CRPPA: variants seen among roughly 807,000 people sequenced by gnomAD.
The protein encoded by CRPPA is D-ribitol-5-phosphate cytidylyltransferase.
A neutral mutation model predicts 52.0 loss-of-function variants in CRPPA; 43 were observed. That is an observed-to-expected ratio of 0.83 (90% CI 0.65 to 1.07). CRPPA has a LOEUF of 1.07. Ranked by LOEUF, CRPPA falls within the 50% of genes least tolerant of loss-of-function variation. The pLI is 0.00. For synonymous variants in CRPPA, 250 were observed against 203.5 expected, an observed-to-expected ratio of 1.23 and a Z score of -1.94; for missense variants, 629 against 551.7, an observed-to-expected ratio of 1.14 and a Z score of -1.40.
chr7:16,408,423 G>C (rs1473523445), intron 1 of CRPPA, among the ~76,000 whole-genome samples: 1 of 152,186 alleles, frequency 6.6e-6, no homozygotes, highest in Non-Finnish European at 1.5e-5. Flanking sequence ...GGTCCTCATG[G>C]GCTGGGAGGA....
chr7:16,285,634 G>A (rs1016839846), intron 5 of CRPPA, among the ~76,000 whole-genome samples: 7 of 151,990 alleles, frequency 4.6e-5, no homozygotes, highest in South Asian at 2.1e-4. Context: ...ATTGAAAACC[G>A]TAAGCACTAG....
intron 9 of CRPPA, among the ~76,000 whole-genome samples, chr7:16,108,203 C>G (rs1055068786): frequency 6.6e-6 from 1 of 151,768 alleles, no homozygotes; most frequent in Non-Finnish European, 1.5e-5. Flanking sequence ...TGTAATAAAA[C>G]AAGATCCAAT....
chr7:16,372,002 A>C (rs1786761746), intron 3 of CRPPA, among the ~76,000 whole-genome samples: 1 of 151,922 alleles, frequency 6.6e-6, no homozygotes, highest in Admixed American at 6.6e-5. Context: ...TAACCCAATC[A>C]GACGAAGTAA....
chr7:16,170,136 G>C lies in CRPPA; in HGVS notation c.1251+45930C>G, dbSNP rs188384501. ...AAATCATAATCCAAAAGTAGGATGT[G>C]ATTTTTTTTAATTTATAGAATTGAC... is the stretch of plus-strand genomic sequence containing the variant. On this transcript the variant is annotated intron_variant, in intron 9 of 9. Coordinates refer to ENST00000407010, the MANE Select transcript of CRPPA (RefSeq NM_001101426.4). 7.2e-5 allele frequency among the ~76,000 whole-genome samples: 11 copies of C among 152,238 alleles called. No individual in the cohort carries two copies. In the East Asian group the frequency reaches 2.1e-3, roughly 29 times the overall value.
intron 9 of CRPPA, among the ~76,000 whole-genome samples, chr7:16,180,676 T>G (rs1404292864): frequency 1.3e-5 from 2 of 152,000 alleles, no homozygotes; most frequent in Non-Finnish European, 2.9e-5. Flanking sequence ...AAATGCCAAT[T>G]CTCCAATTGT....
At chr7:16,195,381 C>A (rs1781708509) in intron 9 of CRPPA, among the ~76,000 whole-genome samples, 1 of 152,024 alleles carries the variant, frequency 6.6e-6, no homozygotes, top group Admixed American at 6.6e-5. Flanking sequence ...AAGATCTGCC[C>A]CTCTCTTCCT....
intron 5 of CRPPA, among the ~76,000 whole-genome samples, chr7:16,291,064 C>G (rs1583496158): frequency 1.3e-5 from 2 of 151,882 alleles, no homozygotes; most frequent in African/African-American, 2.4e-5. Flanking sequence ...AAATGTAAAT[C>G]AAAACCACAT....
chr7:16,369,304 G>A (rs1786688007), intron 3 of CRPPA, among the ~76,000 whole-genome samples: 2 of 152,170 alleles, frequency 1.3e-5, no homozygotes, highest in South Asian at 4.1e-4. Flanking sequence ...ATGCACTGGT[G>A]GTCAGAGAGA....
At chr7:16,417,393 G>C (rs1583593296) in intron 1 of CRPPA, among the ~76,000 whole-genome samples, 2 of 152,262 alleles carry the variant, frequency 1.3e-5, no homozygotes, top group African/African-American at 4.8e-5. Context: ...ATCAACCTAG[G>C]TGCCCATCAA....
At chr7:16,250,155 G>C (rs754202539) in intron 8 of CRPPA, among the ~76,000 whole-genome samples, 1 of 152,094 alleles carries the variant, frequency 6.6e-6, no homozygotes, top group African/African-American at 2.4e-5. Context: ...GAAATAAAGC[G>C]AGAAGACAAG....
intron 3 of CRPPA, among the ~76,000 whole-genome samples, chr7:16,354,681 C>T (rs1335300533): frequency 6.6e-6 from 1 of 151,810 alleles, no homozygotes; most frequent in Non-Finnish European, 1.5e-5. Flanking sequence ...TATTATTACC[C>T]CAAAGACAAC....
chr7:16,298,765 C>G (rs964425025), intron 5 of CRPPA, among the ~76,000 whole-genome samples: 9 of 152,190 alleles, frequency 5.9e-5, no homozygotes, highest in Non-Finnish European at 1.3e-4. Flanking sequence ...CATTGGAAGA[C>G]TTAGAAGATC....
chr7:16,293,652 G>T (rs551032188), intron 5 of CRPPA, among the ~76,000 whole-genome samples: 3 of 152,044 alleles, frequency 2.0e-5, no homozygotes, highest in African/African-American at 7.2e-5. Context: ...AGACATGCAA[G>T]AAAACCATAC....
At chr7:16,142,800 G>T (rs78502686) in intron 9 of CRPPA, among the ~76,000 whole-genome samples, 1 of 152,104 alleles carries the variant, frequency 6.6e-6, no homozygotes, top group Non-Finnish European at 1.5e-5. Context: ...ACACTAATGC[G>T]TTATAAAATA....
At chr7:16,317,264 A>C (rs922691540) in intron 3 of CRPPA, among the ~76,000 whole-genome samples, 1 of 152,184 alleles carries the variant, frequency 6.6e-6, no homozygotes, top group African/African-American at 2.4e-5. Context: ...GGGGAATGGA[A>C]GATAAAAGTT....
chr7:16,293,610 C>G (rs1784607349), intron 5 of CRPPA, among the ~76,000 whole-genome samples: 1 of 151,822 alleles, frequency 6.6e-6, no homozygotes, highest in Non-Finnish European at 1.5e-5. Flanking sequence ...CAAGGCATTA[C>G]TACAATATAA....
chr7:16,297,257 A>G (rs1029458276), intron 5 of CRPPA, among the ~76,000 whole-genome samples: 1 of 152,220 alleles, frequency 6.6e-6, no homozygotes, highest in Non-Finnish European at 1.5e-5. Flanking sequence ...GTAAAGAATA[A>G]GTGAGATAAC....
At chr7:16,394,259 G>A (rs1334736133) in intron 2 of CRPPA, among the ~76,000 whole-genome samples, 1 of 152,098 alleles carries the variant, frequency 6.6e-6, no homozygotes, top group Admixed American at 6.5e-5. Flanking sequence ...CCTGTAAAAT[G>A]AATTACGGTA....
At position 16,209,177 on chromosome 7, in the gene CRPPA, G is replaced by A. The variant is rs141961981; in HGVS notation, c.1251+6889C>T. 218 of 330,208 alleles carry A rather than the reference G, an allele frequency of 6.6e-4. 2 individuals carry two copies. The Middle Eastern group carries it at 7.8e-3, about 12-fold the overall frequency. 20.5% of individuals were successfully genotyped at this position (330,208 alleles called of 1,614,324 possible). On this transcript the variant is annotated intron_variant, in intron 9 of 9. Transcript: ENST00000407010. ...TTAGTGCATTAAGCCCAGACCAACC[G>A]CAGATCTAAGAGAATGCTAGCTATC...
Sources: allele counts gnomAD v4.1 joint callset (sites outside exome capture counted in the v4.1 genomes callset), GRCh38; gene constraint gnomAD v4.1.1; transcripts MANE v1.5; gene names NCBI Gene and HGNC (gene_info 2026-07-23, HGNC 2026-07-21).